The following RBM17 variants were observed in gnomAD, a reference collection of about 807,000 sequenced individuals.
RBM17 encodes the protein RNA binding motif protein 17.
Under a neutral mutation model 53.2 loss-of-function variants are expected in RBM17, and 7 were observed. That is an observed-to-expected ratio of 0.13 (90% CI 0.07 to 0.25). The LOEUF (loss-of-function observed/expected upper bound fraction) is 0.25, where lower values mean the gene tolerates loss of function less well. Ranked by LOEUF, RBM17 falls within the 10% of genes least tolerant of loss-of-function variation. The pLI is 1.00. For synonymous variants in RBM17, 167 were observed against 178.1 expected, an observed-to-expected ratio of 0.94 and a Z score of 0.50; for missense variants, 257 against 496.7, an observed-to-expected ratio of 0.52 and a Z score of 4.59.
Position 6,112,715 on chromosome 10 carries a change from G to A in RBM17, c.856+354G>A, listed in dbSNP as rs1840859296. The A allele has an allele frequency of 3.0e-6, 1 of 335,344 alleles. No individual in the cohort carries two copies. Among genetic ancestry groups the A allele is most frequent in the African/African-American group, 2.1e-5 (1 of 46,974 alleles). The allele number at this position is 335,344 out of a possible 1,614,324, so 20.8% of individuals were successfully genotyped here. On this transcript the variant is annotated intron_variant, in intron 8 of 11. Transcript: ENST00000379888. This position sits in a 1 kb window ranked among gnomAD's most constrained non-coding sequence, Gnocchi z 4.4. The stretch of plus-strand genomic sequence containing the variant: ...AGCATGAAGGACAGAGCCATATAGT[G>A]TGGCAGTGAATATACCTGCTATCTC...
intron 5 of RBM17, among the ~76,000 whole-genome samples, chr10:6,107,980 C>G (rs1260720179): frequency 6.6e-6 from 1 of 152,124 alleles, no homozygotes; most frequent in African/African-American, 2.4e-5. Flanking sequence ...CACTGATGTT[C>G]TCCTTCCAGT....
At position 6,101,282 on chromosome 10, in the gene RBM17, G is replaced by C. The variant is rs199867166; in HGVS notation, c.135G>C (p.Thr45=). ...AALTQAKSQR[T]KQSTVLAPVI... is the part of the protein sequence containing the mutation. ...TTTGATGATTTTAGAGCCAAAGGAC[G>C]AAACAAAGTACAGTCCTCGCCCCAG... Residue 45 remains threonine (T), a synonymous_variant, in exon 3 of 12, where the codon ACG becomes ACC. Coordinates refer to ENST00000379888, the MANE Select transcript of RBM17 (RefSeq NM_032905.5). 41 of 1,595,366 alleles carry C rather than the reference G, an allele frequency of 2.6e-5. No individual in the cohort carries two copies. The East Asian group carries it at 8.4e-4, about 33-fold the overall frequency.
At chr10:6,100,084 TA>T (rs1840649116) in intron 2 of RBM17, among the ~76,000 whole-genome samples, 1 of 152,136 alleles carries the variant, frequency 6.6e-6, no homozygotes, top group African/African-American at 2.4e-5. Flanking sequence ...GTGATTCTAA[TA>T]AATCCCCCTT....
intron 2 of RBM17, among the ~76,000 whole-genome samples, chr10:6,099,798 C>A (rs1840644082): frequency 6.6e-6 from 1 of 152,120 alleles, no homozygotes; most frequent in South Asian, 2.1e-4. Flanking sequence ...TGGCTCACAC[C>A]TGTAATCCCA....
chr10:6,111,671 A>G (rs571468872), intron 7 of RBM17, among the ~76,000 whole-genome samples: 3 of 152,294 alleles, frequency 2.0e-5, no homozygotes, highest in East Asian at 1.9e-4. Flanking sequence ...GGCGTCTTGC[A>G]TTACTTCTAA....
Position 6,108,715 on chromosome 10 carries a change from A to G in RBM17, c.535A>G (p.Thr179Ala), listed in dbSNP as rs1487877996. 1.9e-6 allele frequency: 3 copies of G among 1,612,660 alleles called. No individual in the cohort carries two copies. The highest frequency in any genetic ancestry group is 2.5e-6 in the Non-Finnish European group (3 of 1,179,640). ...SMGGAAIAPP[T>A]SLVEKDKELP... ...GGGCGGAGCTGCCATTGCCCCACCCACTTCTCTGGTAGAGAAAGACAAAGA... is the reference window on the plus strand; with the variant it reads ...GGGCGGAGCTGCCATTGCCCCACCCGCTTCTCTGGTAGAGAAAGACAAAGA... Residue 179 changes from threonine to alanine, a missense_variant, in exon 6 of 12, where the codon ACT (threonine) becomes GCT (alanine). By Grantham distance (58) the Thr-to-Ala change is moderately conservative. Around this residue, in one of 6 missense-constraint regions of RBM17, gnomAD observed 68 missense variants for 60.0 expected, o/e 1.13. Coordinates refer to ENST00000379888, the MANE Select transcript of RBM17 (RefSeq NM_032905.5).
intron 6 of RBM17, 126 bp from the exon 7 acceptor site, chr10:6,109,860 T>G (rs1385671165): frequency 2.8e-6 from 2 of 724,924 alleles, no homozygotes; most frequent in Admixed American, 5.9e-5. Context: ...TGATTTGGTG[T>G]TTTTCTCTCC....
intron 2 of RBM17, among the ~76,000 whole-genome samples, chr10:6,099,025 T>G (rs1356652894): frequency 6.6e-6 from 1 of 151,888 alleles, no homozygotes; most frequent in African/African-American, 2.4e-5. Context: ...GTATTTTGTG[T>G]TTTTTTTAAA....
intron 3 of RBM17, among the ~76,000 whole-genome samples, chr10:6,104,208 T>C (rs1840711939): frequency 6.6e-6 from 1 of 152,238 alleles, no homozygotes; most frequent in African/African-American, 2.4e-5. Flanking sequence ...CTGGCTGTGC[T>C]CTGCCTCTCG....
chr10:6,114,213 A>G, intron 10 of RBM17, 66 bp downstream of exon 10: 2 of 912,884 alleles, frequency 2.2e-6, no homozygotes, highest in East Asian at 2.6e-5. Context: ...AACATTTTCT[A>G]CAAACAGGAC....
At position 6,089,261 on chromosome 10, in the gene RBM17, G is replaced by C. The variant is rs973747658; in HGVS notation, c.-19+68G>C. On this transcript the variant is annotated intron_variant, in intron 1 of 11. Coordinates refer to ENST00000379888, the MANE Select transcript of RBM17 (RefSeq NM_032905.5). This position sits in a 1 kb window ranked among gnomAD's most constrained non-coding sequence, Gnocchi z 5.6. ...ACCTGAGGCGGGCGCGCCTTCCCGG[G>C]AGGCGCTAGACGCAAGCCCGCGGCT... 7.2e-5 allele frequency: 11 copies of C among 151,886 alleles called. No homozygotes were observed. Among genetic ancestry groups the C allele is most frequent in the African/African-American group, 2.7e-4 (11 of 41,394 alleles). The allele number at this position is 151,886 out of a possible 1,614,324, so 9.4% of individuals were successfully genotyped here. A position where few individuals can be genotyped will look rare whatever the true frequency, so the allele number is the denominator to read the frequency against.
chr10:6,108,629 C>T (rs1022420475), intron 5 of RBM17, 57 bp from the exon 6 acceptor site: 22 of 1,390,284 alleles, frequency 1.6e-5, no homozygotes, highest in African/African-American at 8.5e-5. Context: ...GTGTCATAGT[C>T]GTTTGGGAGT....
intron 1 of RBM17, among the ~76,000 whole-genome samples, chr10:6,095,703 G>C (rs1358515190): frequency 6.6e-6 from 1 of 152,142 alleles, no homozygotes; most frequent in African/African-American, 2.4e-5. Flanking sequence ...AGTTTTCTGG[G>C]GTGCTGACTT....
rs74417594 is a variant in RBM17 at position 6,116,364 on chromosome 10, T to G, written c.*808T>G. On this transcript the variant is annotated 3_prime_UTR_variant, in exon 12 of 12. Coordinates refer to ENST00000379888, the MANE Select transcript of RBM17 (RefSeq NM_032905.5). ...CAGTTCCTTGGGGTCATGTTTCTAC[T>G]GGCAAAATTTGCAATAGTGTTCTAT... is the stretch of plus-strand genomic sequence containing the variant. The G allele has an allele frequency of 4.3e-4, 65 of 152,504 alleles. No individual in the cohort carries two copies. Among genetic ancestry groups the G allele is most frequent in the Non-Finnish European group, 7.8e-4 (53 of 68,030 alleles). The allele number at this position is 152,504 out of a possible 1,614,324, so 9.4% of individuals were successfully genotyped here.
At chr10:6,113,728 A>AT in intron 9 of RBM17, 147 bp downstream of exon 9, 1 of 640,850 alleles carries the variant, frequency 1.6e-6, no homozygotes, top group South Asian at 1.9e-5. Flanking sequence ...CTGATTTTAG[A>AT]TTTTTCACTA....
chr10:6,109,262 G>A (rs1840802316), intron 6 of RBM17, among the ~76,000 whole-genome samples: 1 of 152,130 alleles, frequency 6.6e-6, no homozygotes, highest in Non-Finnish European at 1.5e-5. Flanking sequence ...CTGGACTTCT[G>A]AATATCATCT....
intron 6 of RBM17, among the ~76,000 whole-genome samples, 154 bp from the exon 7 acceptor site, chr10:6,109,832 G>A (rs953530365): frequency 1.3e-5 from 2 of 152,166 alleles, no homozygotes; most frequent in Admixed American, 1.3e-4. Context: ...AAAAAAAGTC[G>A]TATAAAGGCT....
At chr10:6,101,114 G>C (rs113523074) in intron 2 of RBM17, among the ~76,000 whole-genome samples, 157 bp from the exon 3 acceptor site, 1 of 152,146 alleles carries the variant, frequency 6.6e-6, no homozygotes, top group Non-Finnish European at 1.5e-5. Context: ...AATAATATAT[G>C]ATTATAGTAA....
Position 6,115,770 on chromosome 10 carries a change from C to G in RBM17, c.*214C>G, listed in dbSNP as rs1435431185. The stretch of plus-strand genomic sequence containing the variant: ...AAAAAACAACAATCTGTGTGCCTCT[C>G]TGGTTGTTTCTCTTTTTTATTATTA... On this transcript the variant is annotated 3_prime_UTR_variant, in exon 12 of 12. Transcript: ENST00000379888. 2.6e-6 allele frequency: 1 copy of G among 384,356 alleles called. No homozygotes were observed. Among genetic ancestry groups the G allele is most frequent in the African/African-American group, 2.1e-5 (1 of 47,608 alleles). 23.8% of individuals were successfully genotyped at this position (384,356 alleles called of 1,614,324 possible).
Sources: allele counts gnomAD v4.1 joint callset (sites outside exome capture counted in the v4.1 genomes callset), GRCh38; gene constraint gnomAD v4.1.1; regional missense constraint gnomAD v4.1.1; non-coding constraint Gnocchi (gnomAD v3.1); transcripts MANE v1.5; gene names NCBI Gene and HGNC (gene_info 2026-07-23, HGNC 2026-07-21).